SEPTIN11: variants seen among roughly 807,000 people sequenced by gnomAD.
The protein encoded by SEPTIN11 is septin 11, also known as septin-11.
In SEPTIN11, 25 loss-of-function variants were observed where a neutral mutation model predicts 51.4. The observed-to-expected ratio is 0.49, with a 90% CI of 0.35 to 0.68. The LOEUF (loss-of-function observed/expected upper bound fraction) is 0.68. Among genes scored for constraint, SEPTIN11 ranks in the 30% least tolerant of loss-of-function variants. SEPTIN11 has a pLI of 0.00. For missense variants in SEPTIN11, 381 were observed against 520.8 expected (o/e 0.73, Z 2.61); for synonymous variants, 174 against 184.1 (o/e 0.95, Z 0.44).
chr4:77,004,480 T>C (rs1464472352), intron 2 of SEPTIN11, among the ~76,000 whole-genome samples: 2 of 152,188 alleles, frequency 1.3e-5, no homozygotes, highest in African/African-American at 2.4e-5. Flanking sequence ...TGTGTAATAG[T>C]AAAATCAGGC....
intron 7 of SEPTIN11, among the ~76,000 whole-genome samples, chr4:77,027,445 T>A (rs1242309318): frequency 6.6e-6 from 1 of 152,204 alleles, no homozygotes; most frequent in Non-Finnish European, 1.5e-5. Context: ...CTAATACATT[T>A]TCTAATACTA....
rs1048820460 is a variant in SEPTIN11, at chr4:77,037,390, T to C, written c.*2878T>C. 4 of 985,034 alleles carry C rather than the reference T, an allele frequency of 4.1e-6. No homozygotes were observed. In the African/African-American group the frequency reaches 7.0e-5, roughly 17 times the overall value. The allele number at this position is 985,034 out of a possible 1,614,324, so 61.0% of individuals were successfully genotyped here. Reference sequence around the variant, plus strand: ...AAAAAAGAAATTATTAATCCCTGCCTGTGCTCTACATAGCCTCATGGGCAT... The same window carrying C: ...AAAAAAGAAATTATTAATCCCTGCCCGTGCTCTACATAGCCTCATGGGCAT... On this transcript the variant is annotated 3_prime_UTR_variant, in exon 10 of 10. Transcript: ENST00000264893.
chr4:76,991,842 A>T (rs1723398255), intron 1 of SEPTIN11, among the ~76,000 whole-genome samples: 1 of 152,260 alleles, frequency 6.6e-6, no homozygotes, highest in Admixed American at 6.5e-5. Flanking sequence ...TTATAAAAAT[A>T]ACTTATTTTA....
intron 1 of SEPTIN11, among the ~76,000 whole-genome samples, chr4:76,950,720 A>G (rs960586577): frequency 6.6e-6 from 1 of 152,222 alleles, no homozygotes; most frequent in East Asian, 1.9e-4. Flanking sequence ...CGCCGCGCCT[A>G]CTGGGTTGCA....
chr4:77,008,648 C>T (rs1724650130), intron 3 of SEPTIN11, among the ~76,000 whole-genome samples: 1 of 152,048 alleles, frequency 6.6e-6, no homozygotes, highest in Non-Finnish European at 1.5e-5. Flanking sequence ...TATCTTTTTC[C>T]ATCGGTTTTA....
chr4:77,038,036 T>A lies in SEPTIN11; in HGVS notation c.*3524T>A. 1 of 985,902 alleles carries A rather than the reference T, an allele frequency of 1.0e-6. No individual in the cohort carries two copies. The highest frequency in any genetic ancestry group is 1.2e-6 in the Non-Finnish European group (1 of 829,950). The allele number at this position is 985,902 out of a possible 1,614,324, so 61.1% of individuals were successfully genotyped here. On this transcript the variant is annotated 3_prime_UTR_variant, in exon 10 of 10. Transcript: ENST00000264893. Reference sequence around the variant, plus strand: ...TTTCAGCTGTTACCGACCCACGTCCTGCTGTCTCTGTGTGGTCCTACAAAA... The same window carrying A: ...TTTCAGCTGTTACCGACCCACGTCCAGCTGTCTCTGTGTGGTCCTACAAAA...
intron 2 of SEPTIN11, among the ~76,000 whole-genome samples, chr4:76,997,847 T>C (rs1049362691): frequency 2.0e-5 from 3 of 152,224 alleles, no homozygotes; most frequent in African/African-American, 7.2e-5. Flanking sequence ...GTATGCTAAA[T>C]TGTAATCGCA....
At chr4:76,999,852 C>T (rs878729) in intron 2 of SEPTIN11, among the ~76,000 whole-genome samples, 20,701 of 152,158 alleles carry the variant, frequency 0.14, 1,576 homozygotes, top group South Asian at 0.22. Flanking sequence ...TCATCATTCC[C>T]CTTCTCTCTG....
At chr4:76,951,451 ATTTG>A in intron 1 of SEPTIN11, among the ~76,000 whole-genome samples, 1 of 152,158 alleles carries the variant, frequency 6.6e-6, no homozygotes, top group Non-Finnish European at 1.5e-5. Flanking sequence ...TACTGAGGGA[ATTTG>A]CATAGTCTCT....
chr4:76,992,468 A>G (rs923211102), intron 1 of SEPTIN11, among the ~76,000 whole-genome samples: 1 of 152,198 alleles, frequency 6.6e-6, no homozygotes, highest in African/African-American at 2.4e-5. Flanking sequence ...CCTGGGTTCC[A>G]ATTTCAGCAC....
chr4:76,969,889 C>T (rs1026537103), intron 1 of SEPTIN11, among the ~76,000 whole-genome samples: 1 of 152,206 alleles, frequency 6.6e-6, no homozygotes, highest in Non-Finnish European at 1.5e-5. Context: ...TTTGTATGAA[C>T]TGTAGAACTA....
chr4:76,991,734 A>T (rs1371769792), intron 1 of SEPTIN11, among the ~76,000 whole-genome samples: 4 of 152,204 alleles, frequency 2.6e-5, no homozygotes, highest in African/African-American at 9.6e-5. Flanking sequence ...GGTATTGATG[A>T]CTTTTATCCT....
downstream of SEPTIN11, chr4:77,038,715 T>C (rs745486816): frequency 1.6e-5 from 15 of 931,820 alleles, no homozygotes; most frequent in Non-Finnish European, 2.0e-5. Flanking sequence ...AGTCTCATGC[T>C]TTCCTGCCTC....
chr4:77,011,400 G>A (rs1272723488), intron 3 of SEPTIN11, among the ~76,000 whole-genome samples: 5 of 152,080 alleles, frequency 3.3e-5, no homozygotes, highest in East Asian at 1.9e-4. Context: ...TCAGCTCCAC[G>A]TATGTACAGT....
At chr4:76,973,934 C>T (rs1404889621) in intron 1 of SEPTIN11, among the ~76,000 whole-genome samples, 7 of 152,194 alleles carry the variant, frequency 4.6e-5, no homozygotes, top group Non-Finnish European at 1.0e-4. Context: ...TTTCAATACA[C>T]CACCAACATT....
chr4:77,013,802 G>A (rs1725034090), intron 4 of SEPTIN11, among the ~76,000 whole-genome samples: 1 of 152,204 alleles, frequency 6.6e-6, no homozygotes, highest in Non-Finnish European at 1.5e-5. Flanking sequence ...CCTCCCGAAA[G>A]ACTCTCTGTT....
rs1722913610 is a variant in SEPTIN11, at chr4:76,984,259, G to A, written c.28-12166G>A. Among the ~76,000 whole-genome samples the A allele has an allele frequency of 6.6e-6, 1 of 152,152 alleles. No individual in the cohort carries two copies. On this transcript the variant is annotated intron_variant, in intron 1 of 9. Coordinates refer to ENST00000264893, the MANE Select transcript of SEPTIN11 (RefSeq NM_018243.4). This position sits in a 1 kb window ranked among gnomAD's most constrained non-coding sequence, Gnocchi z 4.1. ...TGCCTTGGGAGGAGAAAGCAGCCAG[G>A]TTGTGACTAGGGGAAACAGCCCTGG...
intron 2 of SEPTIN11, among the ~76,000 whole-genome samples, chr4:77,001,397 T>C (rs1724112304): frequency 6.6e-6 from 1 of 152,030 alleles, no homozygotes; most frequent in Non-Finnish European, 1.5e-5. Context: ...TCGCCCAGGC[T>C]GGAGTGCAGT....
downstream of SEPTIN11, chr4:77,039,768 G>A (rs554753481): frequency 3.0e-5 from 29 of 979,370 alleles, no homozygotes; most frequent in Admixed American, 2.5e-4. Context: ...TTGAGAGAGA[G>A]AGAAGTGGGC....
Sources: gnomAD v4.1 joint callset for allele counts (sites outside exome capture counted in the v4.1 genomes callset) on GRCh38, gnomAD v4.1.1 for gene constraint, Gnocchi (gnomAD v3.1) non-coding constraint, MANE v1.5 for transcripts, NCBI Gene and HGNC (gene_info 2026-07-23, HGNC 2026-07-21) for gene names.